The following OSBPL9 variants were observed in gnomAD, a reference collection of about 807,000 sequenced individuals.
The protein encoded by OSBPL9 is oxysterol-binding protein-related protein 9.
In OSBPL9, 40 loss-of-function variants were observed where a neutral mutation model predicts 106.6. That is an observed-to-expected ratio of 0.38 (90% confidence interval 0.29 to 0.49). OSBPL9 has a LOEUF of 0.49. OSBPL9 is among the 20% of genes least tolerant of loss of function. OSBPL9 has a pLI of 0.97. For synonymous variants in OSBPL9, 269 were observed against 295.4 expected (o/e 0.91, Z 0.92); for missense variants, 609 against 887.2 (o/e 0.69, Z 3.98).
In OSBPL9 at chr1:51,788,086, C is replaced by T. The variant is rs568800512; in HGVS notation, c.*297C>T. 7.6e-6 allele frequency: 3 copies of T among 396,706 alleles called. No individual in the cohort carries two copies. Among genetic ancestry groups the T allele is most frequent in the African/African-American group, 6.1e-5 (3 of 49,070 alleles). The allele number at this position is 396,706 out of a possible 1,614,324, so 24.6% of individuals were successfully genotyped here. ...GTTGAAAGCATTTATAAATCCAAGT[C>T]TGAAACTCTGCGCTCTAGTACTGCT... is the stretch of plus-strand genomic sequence containing the variant. On this transcript the variant is annotated 3_prime_UTR_variant, in exon 24 of 24. Coordinates refer to ENST00000428468, the MANE Select transcript of OSBPL9 (RefSeq NM_024586.6).
intron 3 of OSBPL9, among the ~76,000 whole-genome samples, chr1:51,690,914 A>T (rs1276004539): frequency 6.6e-6 from 1 of 152,256 alleles, no homozygotes; most frequent in Admixed American, 6.5e-5. Flanking sequence ...CCTAAGCTAC[A>T]TGAGATAGCC....
intron 1 of OSBPL9, chr1:51,577,388 C>T (rs1374591921): frequency 6.9e-6 from 1 of 145,650 alleles, no homozygotes; most frequent in African/African-American, 2.5e-5. Flanking sequence ...GGCATGATCT[C>T]GGCTCACTGC....
At chr1:51,752,233 C>T (rs1669400729) in intron 8 of OSBPL9, among the ~76,000 whole-genome samples, 1 of 151,222 alleles carries the variant, frequency 6.6e-6, no homozygotes, top group Non-Finnish European at 1.5e-5. Flanking sequence ...GACAAGCTTC[C>T]CCCCTCCACC....
At chr1:51,585,730 C>G (rs892286233) in intron 1 of OSBPL9, among the ~76,000 whole-genome samples, 2 of 151,434 alleles carry the variant, frequency 1.3e-5, no homozygotes, top group African/African-American at 4.9e-5. Flanking sequence ...GAGCTGAGAT[C>G]GTGCCACTGC....
chr1:51,642,773 T>A (rs539742966), intron 1 of OSBPL9, among the ~76,000 whole-genome samples: 1 of 152,274 alleles, frequency 6.6e-6, no homozygotes, highest in South Asian at 2.1e-4. Context: ...AGGGAACTGC[T>A]CCAGGCTGTA....
intron 3 of OSBPL9, among the ~76,000 whole-genome samples, chr1:51,676,377 C>T (rs1651202677): frequency 6.6e-6 from 1 of 151,818 alleles, no homozygotes; most frequent in Non-Finnish European, 1.5e-5. Flanking sequence ...TTGTAGTGAG[C>T]CGAGATCCCA....
intron 1 of OSBPL9, among the ~76,000 whole-genome samples, chr1:51,646,841 G>A (rs936723377): frequency 5.9e-5 from 9 of 152,022 alleles, no homozygotes; most frequent in African/African-American, 1.9e-4. Context: ...AGCCCCCTAG[G>A]ATTTTCTATA....
At chr1:51,586,641 T>A (rs1645249322) in intron 1 of OSBPL9, among the ~76,000 whole-genome samples, 3 of 152,194 alleles carry the variant, frequency 2.0e-5, no homozygotes, top group Non-Finnish European at 4.4e-5. Flanking sequence ...CAGAATTGCA[T>A]ACTGTGGCTT....
intron 2 of OSBPL9, among the ~76,000 whole-genome samples, chr1:51,601,924 A>G (rs1232070790): frequency 6.6e-6 from 1 of 151,880 alleles, no homozygotes; most frequent in Non-Finnish European, 1.5e-5. Flanking sequence ...AACTTTGCCA[A>G]AATCTCTCTG....
At chr1:51,630,129 A>C (rs2148650836) in intron 1 of OSBPL9, among the ~76,000 whole-genome samples, 1 of 152,182 alleles carries the variant, frequency 6.6e-6, no homozygotes, top group East Asian at 1.9e-4. Context: ...TGAATCAAGG[A>C]GACAGAAAAG....
chr1:51,701,553 A>G (rs1463715284), intron 3 of OSBPL9, among the ~76,000 whole-genome samples: 2 of 152,118 alleles, frequency 1.3e-5, no homozygotes, highest in Admixed American at 6.5e-5. Flanking sequence ...ATGTACTCCT[A>G]TGAAAATCAA....
chr1:51,623,892 C>A (rs1002353203), intron 1 of OSBPL9, among the ~76,000 whole-genome samples: 4 of 151,832 alleles, frequency 2.6e-5, no homozygotes, highest in Non-Finnish European at 5.9e-5. Context: ...TTGAATATAT[C>A]AAATATGATT....
At chr1:51,742,168 C>T (rs1306188501) in intron 4 of OSBPL9, among the ~76,000 whole-genome samples, 2 of 152,202 alleles carry the variant, frequency 1.3e-5, no homozygotes, top group African/African-American at 4.8e-5. Flanking sequence ...GAATGAATGG[C>T]ATAGTTCCTG....
At chr1:51,558,676 C>T in the OSBPL9 span, among the ~76,000 whole-genome samples, 3 of 152,160 alleles carry the variant, frequency 2.0e-5, no homozygotes, top group Admixed American at 2.0e-4. Flanking sequence ...TTAAAAAAAT[C>T]CTAGCCTCCA....
the OSBPL9 span, among the ~76,000 whole-genome samples, chr1:51,549,663 C>T: frequency 4.6e-5 from 7 of 152,320 alleles, no homozygotes; most frequent in South Asian, 1.4e-3. Context: ...AAAACACTGT[C>T]TCTACTAAAA....
At chr1:51,588,722 T>C (rs187173217) in intron 1 of OSBPL9, among the ~76,000 whole-genome samples, 1 of 152,142 alleles carries the variant, frequency 6.6e-6, no homozygotes, top group Non-Finnish European at 1.5e-5. Context: ...TTCAGACTCA[T>C]TGAACTTGGT....
chr1:51,677,655 A>G (rs1454562254), intron 3 of OSBPL9, among the ~76,000 whole-genome samples: 1 of 151,982 alleles, frequency 6.6e-6, no homozygotes, highest in Non-Finnish European at 1.5e-5. Flanking sequence ...GGGTTCAAGC[A>G]GTTCCCTGCC....
chr1:51,629,980 A>T (rs1481979625), intron 1 of OSBPL9, among the ~76,000 whole-genome samples: 1 of 151,616 alleles, frequency 6.6e-6, no homozygotes, highest in Non-Finnish European at 1.5e-5. Context: ...TGCATGGGGG[A>T]GGGGGAGTTA....
intron 6 of OSBPL9, among the ~76,000 whole-genome samples, chr1:51,747,148 G>A (rs1668154934): frequency 6.6e-6 from 1 of 152,140 alleles, no homozygotes; most frequent in Non-Finnish European, 1.5e-5. Context: ...TGTATTTTTA[G>A]TAGAGACAGG....
Sources: allele counts gnomAD v4.1 joint callset (sites outside exome capture counted in the v4.1 genomes callset), GRCh38; gene constraint gnomAD v4.1.1; transcripts MANE v1.5; gene names NCBI Gene and HGNC (gene_info 2026-07-23, HGNC 2026-07-21).